Variants in DNAH9 observed in about 807,000 individuals in gnomAD.
The protein encoded by DNAH9 is DNAH9 variant protein.
A neutral mutation model predicts 471.6 loss-of-function variants in DNAH9; 345 were observed. That is an observed-to-expected ratio of 0.73 (90% CI 0.67 to 0.80). The LOEUF is 0.80. Among genes scored for constraint, DNAH9 ranks in the 30% least tolerant of loss-of-function variants. The pLI is 0.00. For synonymous variants in DNAH9, 2,093 were observed against 2,123.6 expected (o/e 0.99, Z 0.40); for missense variants, 5,407 against 5,609.2 (o/e 0.96, Z 1.15).
chr17:11,938,625 T>TTCAC (rs1303341973), intron 66 of DNAH9, among the ~76,000 whole-genome samples: 1 of 151,986 alleles, frequency 6.6e-6, no homozygotes, highest in Non-Finnish European at 1.5e-5. Flanking sequence ...AGAGTAAGAT[T>TTCAC]TCACTCCATC....
At chr17:11,819,308 A>G (rs988018054) in intron 45 of DNAH9, among the ~76,000 whole-genome samples, 9 of 152,218 alleles carry the variant, frequency 5.9e-5, no homozygotes, top group African/African-American at 1.9e-4. Flanking sequence ...CAGTTTCAAT[A>G]AGAAATCAAA....
At chr17:11,934,212 C>T in intron 65 of DNAH9, 141 bp downstream of exon 65, 2 of 844,788 alleles carry the variant, frequency 2.4e-6, no homozygotes, top group South Asian at 3.5e-5. Context: ...GGCAAAAGGG[C>T]TTAGACAGCT....
intron 67 of DNAH9, among the ~76,000 whole-genome samples, chr17:11,961,022 C>G (rs1989347): frequency 0.47 from 71,042 of 149,940 alleles, 16,909 homozygotes; most frequent in Middle Eastern, 0.59. Context: ...TTGCTTTAAA[C>G]ATAGTGTTCA....
intron 21 of DNAH9, 24 bp from the exon 22 acceptor site, chr17:11,694,297 A>G: frequency 6.2e-7 from 1 of 1,613,230 alleles, no homozygotes; most frequent in Non-Finnish European, 8.5e-7. Context: ...CTTAACTGGG[A>G]AATTCTATGT....
intron 57 of DNAH9, among the ~76,000 whole-genome samples, chr17:11,888,173 A>T (rs1055653561): frequency 6.6e-6 from 1 of 151,524 alleles, no homozygotes; most frequent in East Asian, 1.9e-4. Context: ...TTTAGTAGAG[A>T]CGGGGTTTCA....
intron 43 of DNAH9, among the ~76,000 whole-genome samples, chr17:11,801,333 TG>T (rs1407153172): frequency 6.6e-6 from 1 of 152,200 alleles, no homozygotes; most frequent in Non-Finnish European, 1.5e-5. Context: ...TCTTGCTCAC[TG>T]CTGAAACCTT....
chr17:11,747,559 G>A lies in DNAH9; in HGVS notation c.6403G>A (p.Val2135Ile), dbSNP rs769163626. Residue 2135 changes from valine to isoleucine, a missense_variant, in exon 32 of 69, where the codon GTC (valine) becomes ATC (isoleucine). Val to Ile is a conservative substitution (Grantham distance 29). Transcript: ENST00000262442. ...GCTGAATTTCCTGCCTCCTCAGGTG[G>A]TCCAGCTGGAGGAGCTCCTGGCTGT... ...QAEDNFVLKV[V>I]QLEELLAVRH... 7 of 1,613,060 alleles carry A rather than the reference G, an allele frequency of 4.3e-6. No individual in the cohort carries two copies. The Admixed American group carries it at 1.2e-4, about 27-fold the overall frequency.
chr17:11,681,475 G>T (rs865936544), intron 19 of DNAH9, among the ~76,000 whole-genome samples: 1 of 152,132 alleles, frequency 6.6e-6, no homozygotes, highest in Non-Finnish European at 1.5e-5. Flanking sequence ...TCCTCCCGTG[G>T]TGAAGCGGTC....
At chr17:11,947,907 G>A (rs1185104980) in intron 67 of DNAH9, among the ~76,000 whole-genome samples, 1 of 146,604 alleles carries the variant, frequency 6.8e-6, no homozygotes. Context: ...TCAGCCTCCC[G>A]GCTCCCGCCA....
At chr17:11,890,609 A>C (rs897344770) in intron 57 of DNAH9, among the ~76,000 whole-genome samples, 2 of 152,240 alleles carry the variant, frequency 1.3e-5, no homozygotes, top group Non-Finnish European at 2.9e-5. Context: ...GGAAATCTGC[A>C]TAACCCAAAA....
chr17:11,922,117 A>C (rs1974156707), intron 61 of DNAH9, among the ~76,000 whole-genome samples: 1 of 152,202 alleles, frequency 6.6e-6, no homozygotes, highest in Non-Finnish European at 1.5e-5. Flanking sequence ...ATCTCAGTTA[A>C]GTCTCCAATA....
rs1040812505 is a variant in DNAH9, at chr17:11,891,864, A to G, written c.11200A>G (p.Ile3734Val). Reference protein sequence around the residue: ...RERVANLIDSITFSVYQYTIR... With the variant: ...RERVANLIDSVTFSVYQYTIR... ...GCGGGTGGCCAACCTAATAGACAGC[A>G]TAACCTTCTCTGTGTACCAGTACAC... Residue 3734 changes from isoleucine to valine, a missense_variant, in exon 58 of 69, where the codon ATA becomes GTA. By Grantham distance (29) the Ile-to-Val change is conservative. Around this residue, in one of 3 missense-constraint regions of DNAH9, gnomAD observed 4,636 missense variants for 4,900.3 expected, o/e 0.95. Coordinates refer to ENST00000262442, the MANE Select transcript of DNAH9 (RefSeq NM_001372.4). 1 of 1,614,160 alleles carries G rather than the reference A, an allele frequency of 6.2e-7. No individual in the cohort carries two copies.
intron 26 of DNAH9, among the ~76,000 whole-genome samples, chr17:11,709,055 G>A (rs1192203776): frequency 6.6e-6 from 1 of 152,140 alleles, no homozygotes; most frequent in Admixed American, 6.5e-5. Context: ...TACAAGATTT[G>A]TCTTTTCCCT....
intron 67 of DNAH9, among the ~76,000 whole-genome samples, chr17:11,957,669 C>G (rs912408590): frequency 1.3e-4 from 20 of 151,726 alleles, no homozygotes; most frequent in African/African-American, 4.8e-4. Context: ...GATGAACCAG[C>G]AAAGAGACAG....
chr17:11,775,845 G>T (rs1314175170), intron 38 of DNAH9, among the ~76,000 whole-genome samples: 2 of 152,100 alleles, frequency 1.3e-5, no homozygotes, highest in Non-Finnish European at 2.9e-5. Context: ...GCCCGCCTCG[G>T]GCTCCCAAAG....
At chr17:11,879,082 A>G (rs889323796) in intron 53 of DNAH9, among the ~76,000 whole-genome samples, 5 of 152,136 alleles carry the variant, frequency 3.3e-5, no homozygotes, top group Non-Finnish European at 5.9e-5. Flanking sequence ...ATTCTTTTCT[A>G]TGTATCTAAT....
intron 54 of DNAH9, among the ~76,000 whole-genome samples, chr17:11,880,734 T>C (rs1186412526): frequency 2.0e-5 from 3 of 152,150 alleles, no homozygotes; most frequent in African/African-American, 7.2e-5. Flanking sequence ...CTCAGGAGCC[T>C]CACCCACTGC....
intron 43 of DNAH9, among the ~76,000 whole-genome samples, chr17:11,802,244 A>C (rs1969490454): frequency 6.6e-6 from 1 of 152,100 alleles, no homozygotes; most frequent in South Asian, 2.1e-4. Context: ...TAAAGGGAGA[A>C]ACACAGATAA....
intron 22 of DNAH9, among the ~76,000 whole-genome samples, chr17:11,697,660 C>T (rs991471764): frequency 3.9e-5 from 6 of 152,054 alleles, no homozygotes; most frequent in East Asian, 1.9e-4. Context: ...ATCATACTTC[C>T]GTAAGCTGAG....
Sources: gnomAD v4.1 joint callset for allele counts (sites outside exome capture counted in the v4.1 genomes callset) on GRCh38, gnomAD v4.1.1 for gene constraint, gnomAD v4.1.1 regional missense constraint, MANE v1.5 for transcripts, NCBI Gene and HGNC (gene_info 2026-07-23, HGNC 2026-07-21) for gene names.